Variants in PUF60 observed in about 807,000 individuals in gnomAD.
PUF60 encodes poly(U) binding splicing factor 60, also known as poly(U)-binding-splicing factor PUF60.
PUF60 carries 10 observed loss-of-function variants against 61.8 expected under a neutral mutation model. The observed-to-expected ratio is 0.16, with a 90% confidence interval of 0.10 to 0.27. The LOEUF is 0.27. Among genes scored for constraint, PUF60 ranks in the 10% least tolerant of loss-of-function variants. The pLI, the probability that PUF60 is intolerant of heterozygous loss-of-function variation, is 1.00. For missense variants in PUF60, 371 were observed against 754.0 expected (o/e 0.49, Z 5.95); for synonymous variants, 353 against 300.9 (o/e 1.17, Z -1.79).
chr8:143,821,660 G>A lies in PUF60; in HGVS notation c.234C>T (p.Ser78=). ...QKAKKYAMEQ[S]IKSVLVKQTI... is the part of the protein sequence containing the mutation. Reference sequence around the variant, plus strand: ...TCTGCTTCACCAGCACACTCTTGATGCTCTGCTCCATGGCGTACTTCTTGG... The same window carrying A: ...TCTGCTTCACCAGCACACTCTTGATACTCTGCTCCATGGCGTACTTCTTGG... The change falls in exon 4 of 12, where the codon AGC becomes AGT. Residue 78 remains serine, a synonymous_variant. Coordinates refer to ENST00000526683, the MANE Select transcript of PUF60 (RefSeq NM_078480.3). The A allele has an allele frequency of 6.5e-7, 1 of 1,548,342 alleles. No individual in the cohort carries two copies.
At chr8:143,826,401 A>G (rs1399569117) in intron 1 of PUF60, among the ~76,000 whole-genome samples, 2 of 152,262 alleles carry the variant, frequency 1.3e-5, no homozygotes, top group South Asian at 2.1e-4. Flanking sequence ...CGCTGTCTCT[A>G]TGAAAAAAAA....
chr8:143,817,414 A>C lies in PUF60; in HGVS notation c.1061T>G (p.Val354Gly). The C allele has an allele frequency of 6.2e-7, 1 of 1,601,812 alleles. No individual in the cohort carries two copies. Among genetic ancestry groups the C allele is most frequent in the Non-Finnish European group, 8.5e-7 (1 of 1,176,100 alleles). ...CTGGGCCAGGGTCAGTGCTGGGGAC[A>C]CCAGTCCAGGTGTGCCCAGGGTACC... is the stretch of plus-strand genomic sequence containing the variant. ...VLGTLGTPGL[V>G]SPALTLAQPL... The change falls in exon 10 of 12, where the codon GTG (valine) becomes GGG (glycine). Residue 354 changes from valine to glycine, a missense_variant. Coordinates refer to ENST00000526683, the MANE Select transcript of PUF60 (RefSeq NM_078480.3). The surrounding 1 kb of genome is among the most constrained non-coding windows in gnomAD (Gnocchi z 7.4).
At chr8:143,825,569 C>CTAGA (rs2130405568) in intron 1 of PUF60, among the ~76,000 whole-genome samples, 1 of 152,072 alleles carries the variant, frequency 6.6e-6, no homozygotes, top group East Asian at 1.9e-4. Flanking sequence ...GTTGCCCAGG[C>CTAGA]TAGAGTGCGG....
Position 143,818,004 on chromosome 8 carries a change from G to A in PUF60, c.675C>T (p.Phe225=), listed in dbSNP as rs1816560109. The A allele has an allele frequency of 7.4e-6, 12 of 1,612,890 alleles. No individual in the cohort carries two copies. The East Asian group carries it at 2.5e-4, about 33-fold the overall frequency. Residue 225 remains phenylalanine, a synonymous_variant, in exon 8 of 12, where the codon TTC becomes TTT. Transcript: ENST00000526683. This position sits in a 1 kb window ranked among gnomAD's most constrained non-coding sequence, Gnocchi z 7.9. ...IDQLAEEARA[F]NRIYVASVHQ... is the part of the protein sequence containing the mutation. Reference sequence around the variant, plus strand: ...GCACAGAGGCCACGTAGATGCGGTTGAAGGCCCGTGCCTCCTCAGCCAACT... The same window carrying A: ...GCACAGAGGCCACGTAGATGCGGTTAAAGGCCCGTGCCTCCTCAGCCAACT...
intron 2 of PUF60, among the ~76,000 whole-genome samples, chr8:143,823,497 C>G (rs1204374652): frequency 6.6e-6 from 1 of 152,244 alleles, no homozygotes; most frequent in East Asian, 1.9e-4. Context: ...CCTTCTCCCA[C>G]CAACCAATGG....
chr8:143,817,084 G>C lies in PUF60; in HGVS notation c.1206C>G (p.Pro402=). The part of the protein sequence containing the change: ...VTIPSVGVVN[P]ILASPPTLGL... ...CCAGCGTTGGAGGGCTGGCCAGGAT[G>C]GGGTTCACCACTCCCACCGAGGGGA... The change falls in exon 11 of 12, where the codon CCC becomes CCG. Residue 402 remains proline (P), a synonymous_variant. Coordinates refer to ENST00000526683, the MANE Select transcript of PUF60 (RefSeq NM_078480.3). This position sits in a 1 kb window ranked among gnomAD's most constrained non-coding sequence, Gnocchi z 7.4. The C allele has an allele frequency of 6.2e-7, 1 of 1,611,474 alleles. No individual in the cohort carries two copies. The highest frequency in any genetic ancestry group is 8.5e-7 in the Non-Finnish European group (1 of 1,179,302).
rs539275621 is a variant in PUF60, at chr8:143,826,502, G to A, written c.25-2103C>T. ...GGCCGAGGCAGGTGGATTGCTTGAG[G>A]TCAGGAGTTGGAGACCAGCCTGGCC... On this transcript the variant is annotated intron_variant, in intron 1 of 11. Transcript: ENST00000526683. Among the ~76,000 whole-genome samples the A allele has an allele frequency of 7.0e-3, 1,066 of 152,284 alleles. 8 individuals carry two copies. Among genetic ancestry groups the A allele is most frequent in the Non-Finnish European group, 0.011 (724 of 68,010 alleles).
chr8:143,822,193 T>C (rs542044070), intron 2 of PUF60, among the ~76,000 whole-genome samples: 13 of 151,406 alleles, frequency 8.6e-5, no homozygotes, highest in East Asian at 2.0e-4. Context: ...GATAAACAGC[T>C]GGAGGCAGAA....
intron 1 of PUF60, chr8:143,824,723 G>A (rs1194335779): frequency 2.6e-6 from 1 of 385,596 alleles, no homozygotes. Context: ...AGGCTGGACG[G>A]CCAAAGGAAC....
At position 143,829,265 on chromosome 8, in the gene PUF60, G is replaced by C; in HGVS notation, c.24+15C>G. 1 of 1,256,830 alleles carries C rather than the reference G, an allele frequency of 8.0e-7. No individual in the cohort carries two copies. The allele number at this position is 1,256,830 out of a possible 1,614,324, so 77.9% of individuals were successfully genotyped here. A position where few individuals can be genotyped will look rare whatever the true frequency, so the allele number is the denominator to read the frequency against. ...AAGCCGAGGGCCGCCCGCGCTCATG[G>C]GGGGGCTCACTTACGAGAGCTATGG... is the stretch of plus-strand genomic sequence containing the variant. On this transcript the variant is annotated intron_variant, in intron 1 of 11. Coordinates refer to ENST00000526683, the MANE Select transcript of PUF60 (RefSeq NM_078480.3).
At position 143,829,266 on chromosome 8, in the gene PUF60, G is replaced by T; in HGVS notation, c.24+14C>A. The T allele has an allele frequency of 8.0e-7, 1 of 1,257,330 alleles. No homozygotes were observed. The highest frequency in any genetic ancestry group is 1.0e-6 in the Non-Finnish European group (1 of 996,202). 77.9% of individuals were successfully genotyped at this position (1,257,330 alleles called of 1,614,324 possible). ...AGCCGAGGGCCGCCCGCGCTCATGGGGGGGCTCACTTACGAGAGCTATGGT... is the reference window on the plus strand; with the variant it reads ...AGCCGAGGGCCGCCCGCGCTCATGGTGGGGCTCACTTACGAGAGCTATGGT... On this transcript the variant is annotated intron_variant, in intron 1 of 11. Coordinates refer to ENST00000526683, the MANE Select transcript of PUF60 (RefSeq NM_078480.3).
chr8:143,828,172 T>C (rs1244982960), intron 1 of PUF60, among the ~76,000 whole-genome samples: 1 of 152,136 alleles, frequency 6.6e-6, no homozygotes, highest in East Asian at 1.9e-4. Context: ...AATGCCTCTC[T>C]CCCCCTAGTA....
chr8:143,820,758 G>GCAGTCTCC (rs1264548685), intron 4 of PUF60, 42 bp from the exon 5 acceptor site: 1 of 1,563,648 alleles, frequency 6.4e-7, no homozygotes, highest in Non-Finnish European at 8.8e-7. Flanking sequence ...TTGGAGCCGA[G>GCAGTCTCC]CAGTCTCCCG....
chr8:143,829,105 G>A (rs1818003570), intron 1 of PUF60, 175 bp downstream of exon 1: 2 of 1,140,876 alleles, frequency 1.8e-6, no homozygotes, highest in South Asian at 4.3e-5. Context: ...CCGCGAGCCG[G>A]CCGCCGGCGC....
chr8:143,827,228 CG>C, intron 1 of PUF60: 1 of 370,008 alleles, frequency 2.7e-6, no homozygotes, highest in Non-Finnish European at 5.4e-6. Context: ...CCATGGCAGC[CG>C]GGGGCCTCTC....
rs1263817370 is a variant in PUF60 at position 143,816,587 on chromosome 8, G to C, written c.1613C>G (p.Ala538Gly). 3 of 1,613,682 alleles carry C rather than the reference G, an allele frequency of 1.9e-6. No individual in the cohort carries two copies. The highest frequency in any genetic ancestry group is 2.5e-6 in the Non-Finnish European group (3 of 1,179,862). The change falls in exon 12 of 12, where the codon GCT (alanine) becomes GGT (glycine). Residue 538 changes from alanine to glycine, a missense_variant. By Grantham distance (60) the Ala-to-Gly change is moderately conservative (BLOSUM62 0). This residue lies in a region of PUF60 where 17 missense variants were observed against 37.3 expected (regional missense o/e 0.46). Coordinates refer to ENST00000526683, the MANE Select transcript of PUF60 (RefSeq NM_078480.3). Reference sequence around the variant, plus strand: ...CACTTCAGCCACCACCTTGCGGCCAGCAAACCAGCGGCCATTGAGGGCCTG... The same window carrying C: ...CACTTCAGCCACCACCTTGCGGCCACCAAACCAGCGGCCATTGAGGGCCTG... The part of the protein sequence containing the change: ...AIQALNGRWF[A>G]GRKVVAEVYD...
Position 143,817,929 on chromosome 8 carries a change from G to A in PUF60, c.750C>T (p.Gly250=), listed in dbSNP as rs1222294379. The A allele has an allele frequency of 6.2e-7, 1 of 1,612,888 alleles. No individual in the cohort carries two copies. The highest frequency in any genetic ancestry group is 2.2e-5 in the East Asian group (1 of 44,874). The stretch of plus-strand genomic sequence containing the variant: ...GGGCCAGTGTGCAGGACTTGATCTT[G>A]CCAAAGGCCTCAAACACGCTCTTGA... ...DDIKSVFEAF[G]KIKSCTLARD... is the part of the protein sequence containing the mutation. The change falls in exon 8 of 12, where the codon GGC becomes GGT. Residue 250 remains glycine, a synonymous_variant. Transcript: ENST00000526683. This position sits in a 1 kb window ranked among gnomAD's most constrained non-coding sequence, Gnocchi z 7.4.
In PUF60 at chr8:143,818,335, C is replaced by CGAGCCCGAAGT. The variant is rs1563825730; in HGVS notation, c.510+27_510+37dup. 1.9e-6 allele frequency: 3 copies of CGAGCCCGAAGT among 1,608,536 alleles called. No individual in the cohort carries two copies. Among genetic ancestry groups the CGAGCCCGAAGT allele is most frequent in the Non-Finnish European group, 2.5e-6 (3 of 1,176,924 alleles). ...GGCTGCGCGAGCCCAGGGGTGGGGG[C>CGAGCCCGAAGT]GAGCCCGAAGTGGCCGGGGCGGACC... is the stretch of plus-strand genomic sequence containing the variant. On this transcript the variant is annotated intron_variant, in intron 6 of 11. Coordinates refer to ENST00000526683, the MANE Select transcript of PUF60 (RefSeq NM_078480.3). The surrounding 1 kb of genome is among the most constrained non-coding windows in gnomAD (Gnocchi z 7.9).
Position 143,818,141 on chromosome 8 carries a change from G to C in PUF60, c.603+52C>G. The C allele has an allele frequency of 6.3e-7, 1 of 1,599,366 alleles. No homozygotes were observed. The highest frequency in any genetic ancestry group is 8.5e-7 in the Non-Finnish European group (1 of 1,172,676). On this transcript the variant is annotated intron_variant, in intron 7 of 11. Transcript: ENST00000526683. This position sits in a 1 kb window ranked among gnomAD's most constrained non-coding sequence, Gnocchi z 7.9. Reference sequence around the variant, plus strand: ...GGCCCGGCCACAAAAGGCTTCCGTGGAGGGGCAGCCCTGCACGCCTGCGGG... The same window carrying C: ...GGCCCGGCCACAAAAGGCTTCCGTGCAGGGGCAGCCCTGCACGCCTGCGGG...
Sources: allele counts gnomAD v4.1 joint callset (sites outside exome capture counted in the v4.1 genomes callset), GRCh38; gene constraint gnomAD v4.1.1; regional missense constraint gnomAD v4.1.1; non-coding constraint Gnocchi (gnomAD v3.1); transcripts MANE v1.5; gene names NCBI Gene and HGNC (gene_info 2026-07-23, HGNC 2026-07-21).